The following FNDC3B variants were observed in gnomAD, a reference collection of about 807,000 sequenced individuals.
FNDC3B encodes fibronectin type III domain-containing protein 3B.
In FNDC3B, 12 loss-of-function variants were observed where a neutral mutation model predicts 151.5. That is an observed-to-expected ratio of 0.08 (90% CI 0.05 to 0.13). The LOEUF (loss-of-function observed/expected upper bound fraction) is 0.13. FNDC3B is among the 10% of genes least tolerant of loss of function. FNDC3B has a pLI of 1.00. For missense variants in FNDC3B, 1,214 were observed against 1,505.3 expected (o/e 0.81, Z 3.20); for synonymous variants, 528 against 549.0 (o/e 0.96, Z 0.54).
At chr3:172,149,539 A>G (rs1441235602) in intron 3 of FNDC3B, among the ~76,000 whole-genome samples, 1 of 152,070 alleles carries the variant, frequency 6.6e-6, no homozygotes, top group Non-Finnish European at 1.5e-5. Context: ...CCTAATTTTT[A>G]TGAAAATACT....
intron 23 of FNDC3B, among the ~76,000 whole-genome samples, chr3:172,370,241 T>G (rs1399617795): frequency 6.6e-6 from 1 of 152,240 alleles, no homozygotes; most frequent in Admixed American, 6.5e-5. Flanking sequence ...TAGAGCATTC[T>G]TGGATTTTTT....
chr3:172,259,824 T>C (rs1728552923), intron 6 of FNDC3B, among the ~76,000 whole-genome samples: 1 of 152,216 alleles, frequency 6.6e-6, no homozygotes, highest in Non-Finnish European at 1.5e-5. Context: ...CATGATTCTT[T>C]CAACAGGCAA....
At chr3:172,189,726 G>A (rs1158836831) in intron 3 of FNDC3B, among the ~76,000 whole-genome samples, 1 of 148,340 alleles carries the variant, frequency 6.7e-6, no homozygotes, top group Non-Finnish European at 1.5e-5. Flanking sequence ...GCCTGAGCCT[G>A]GGAGGTTGAG....
chr3:172,158,709 G>T (rs1480543854), intron 3 of FNDC3B, among the ~76,000 whole-genome samples: 1 of 152,076 alleles, frequency 6.6e-6, no homozygotes, highest in Non-Finnish European at 1.5e-5. Flanking sequence ...AAAGACCTTT[G>T]TCTACTCCCA....
In FNDC3B at chr3:172,112,422, C is replaced by A. The variant is rs1576874834; in HGVS notation, c.-28-30C>A. The A allele has an allele frequency of 1.2e-5, 14 of 1,200,982 alleles. No individual in the cohort carries two copies. In the East Asian group the frequency reaches 3.3e-4, roughly 28 times the overall value. 74.4% of individuals were successfully genotyped at this position (1,200,982 alleles called of 1,614,324 possible). A position where few individuals can be genotyped will look rare whatever the true frequency, so the allele number is the denominator to read the frequency against. On this transcript the variant is annotated intron_variant, in intron 1 of 25. Coordinates refer to ENST00000415807, the MANE Select transcript of FNDC3B (RefSeq NM_022763.4). Reference sequence around the variant, plus strand: ...ACAGGTGATTTTTGTGGTTCTGAGTCCTTTTTAAAAAGCGGCGGTTCTCTT... The same window carrying A: ...ACAGGTGATTTTTGTGGTTCTGAGTACTTTTTAAAAAGCGGCGGTTCTCTT...
chr3:172,139,883 C>G (rs984443044), intron 3 of FNDC3B, among the ~76,000 whole-genome samples: 1 of 152,040 alleles, frequency 6.6e-6, no homozygotes, highest in East Asian at 1.9e-4. Context: ...GCAGCCTTGA[C>G]CTCCTGAGCT....
chr3:172,128,436 C>T (rs1372358849), intron 2 of FNDC3B, among the ~76,000 whole-genome samples: 3 of 152,144 alleles, frequency 2.0e-5, no homozygotes, highest in Non-Finnish European at 4.4e-5. Flanking sequence ...ATACTGCTTA[C>T]TTTTCAGTTT....
At chr3:172,190,033 T>C (rs994758494) in intron 3 of FNDC3B, among the ~76,000 whole-genome samples, 4 of 152,168 alleles carry the variant, frequency 2.6e-5, no homozygotes, top group Non-Finnish European at 4.4e-5. Flanking sequence ...TTCACAGAAC[T>C]AGCAAGAGCA....
intron 3 of FNDC3B, chr3:172,134,362 G>T (rs1305337721): frequency 1.9e-6 from 1 of 518,342 alleles, no homozygotes; most frequent in Admixed American, 1.9e-5. Context: ...ACACTGTAGT[G>T]TTAAAAGGCA....
At chr3:172,336,743 A>G (rs2108297941) in intron 15 of FNDC3B, among the ~76,000 whole-genome samples, 1 of 152,194 alleles carries the variant, frequency 6.6e-6, no homozygotes, top group South Asian at 2.1e-4. Context: ...TCTACTAAAA[A>G]TACAAAAAAA....
At chr3:172,385,374 T>C (rs1332259682) in intron 25 of FNDC3B, among the ~76,000 whole-genome samples, 1 of 152,152 alleles carries the variant, frequency 6.6e-6, no homozygotes. Context: ...GCTTGTGTTA[T>C]TCATTTTTAT....
At chr3:172,078,262 G>A (rs1718117448) in intron 1 of FNDC3B, among the ~76,000 whole-genome samples, 1 of 152,236 alleles carries the variant, frequency 6.6e-6, no homozygotes, top group Admixed American at 6.5e-5. Context: ...TTACAGGCAT[G>A]AACCACTGCA....
chr3:172,299,239 A>G (rs1730781946), intron 9 of FNDC3B, among the ~76,000 whole-genome samples: 1 of 152,212 alleles, frequency 6.6e-6, no homozygotes, highest in South Asian at 2.1e-4. Context: ...AAGACAAGTA[A>G]TACAAGCATC....
intron 1 of FNDC3B, among the ~76,000 whole-genome samples, chr3:172,087,842 G>A (rs1254185355): frequency 1.3e-5 from 2 of 152,148 alleles, no homozygotes; most frequent in Non-Finnish European, 2.9e-5. Context: ...AGCACGTGAA[G>A]GCTGATTGAG....
intron 14 of FNDC3B, 122 bp from the exon 15 acceptor site, chr3:172,334,822 G>GA (rs750349328): frequency 6.7e-5 from 55 of 821,990 alleles, no homozygotes; most frequent in Non-Finnish European, 9.1e-5. Flanking sequence ...AGTTGAAAGA[G>GA]AAAAAAATGT....
intron 1 of FNDC3B, among the ~76,000 whole-genome samples, chr3:172,108,908 G>T (rs1049546142): frequency 6.6e-6 from 1 of 152,242 alleles, no homozygotes; most frequent in African/African-American, 2.4e-5. Flanking sequence ...TTAAGGGACA[G>T]CTTGGCAGGC....
At chr3:172,308,089 T>C (rs1334659151) in intron 10 of FNDC3B, among the ~76,000 whole-genome samples, 1 of 152,196 alleles carries the variant, frequency 6.6e-6, no homozygotes, top group African/African-American at 2.4e-5. Flanking sequence ...TACTGAAATG[T>C]TTAATACATA....
chr3:172,060,226 A>G (rs1252310227), intron 1 of FNDC3B, among the ~76,000 whole-genome samples: 1 of 152,212 alleles, frequency 6.6e-6, no homozygotes. Flanking sequence ...TTGAATAAAT[A>G]TAAGTAATGA....
intron 25 of FNDC3B, among the ~76,000 whole-genome samples, chr3:172,394,068 A>G (rs1736149578): frequency 7.7e-6 from 1 of 130,414 alleles, no homozygotes; most frequent in Non-Finnish European, 1.6e-5. Context: ...AGATCATGCC[A>G]CTGCAGTCTA....
Sources: allele counts gnomAD v4.1 joint callset (sites outside exome capture counted in the v4.1 genomes callset), GRCh38; gene constraint gnomAD v4.1.1; transcripts MANE v1.5; gene names NCBI Gene and HGNC (gene_info 2026-07-23, HGNC 2026-07-21).